The following LOC400499 variants were observed in gnomAD, a reference collection of about 807,000 sequenced individuals.
the LOC400499 span, among the ~76,000 whole-genome samples, chr16:11,422,837 G>A: frequency 6.6e-6 from 1 of 152,322 alleles, no homozygotes; most frequent in African/African-American, 2.4e-5. Context: ...GCCACGGTCC[G>A]CTTGTCTCAC....
chr16:11,492,701 C>T, the LOC400499 span, among the ~76,000 whole-genome samples: 5 of 151,606 alleles, frequency 3.3e-5, no homozygotes, highest in African/African-American at 9.7e-5. Context: ...AGGAGAATGG[C>T]GTGAACCCAG....
chr16:11,442,748 A>G, the LOC400499 span, among the ~76,000 whole-genome samples: 3 of 152,202 alleles, frequency 2.0e-5, no homozygotes, highest in African/African-American at 7.2e-5. Flanking sequence ...AAGCAGACCA[A>G]ACAAAACCCA....
At chr16:11,447,998 C>T in the LOC400499 span, 5 of 1,535,992 alleles carry the variant, frequency 3.3e-6, no homozygotes, top group African/African-American at 1.4e-5. Flanking sequence ...TCCAGCTCTC[C>T]TTCCAACTGC....
the LOC400499 span, chr16:11,385,268 G>A: frequency 8.1e-7 from 1 of 1,232,180 alleles, no homozygotes; most frequent in Non-Finnish European, 1.0e-6. Flanking sequence ...ACAGGGCTGT[G>A]AGCCCCGAGC....
At chr16:11,516,935 C>T in the LOC400499 span, among the ~76,000 whole-genome samples, 1 of 152,196 alleles carries the variant, frequency 6.6e-6, no homozygotes. Flanking sequence ...CGTAAGCCAC[C>T]GCACTCCAGC....
the LOC400499 span, among the ~76,000 whole-genome samples, chr16:11,391,166 C>A: frequency 1.3e-5 from 2 of 152,208 alleles, no homozygotes; most frequent in African/African-American, 2.4e-5. Context: ...CAGAGGGATG[C>A]CCACCCTGGC....
the LOC400499 span, among the ~76,000 whole-genome samples, chr16:11,496,802 G>T: frequency 6.6e-6 from 1 of 152,282 alleles, no homozygotes; most frequent in East Asian, 1.9e-4. Context: ...GTGTGTATGT[G>T]CATGTCCTGC....
chr16:11,392,729 G>T, the LOC400499 span: 15 of 968,996 alleles, frequency 1.5e-5, no homozygotes, highest in Non-Finnish European at 1.7e-5. Context: ...AGGCTTCAGG[G>T]GGTTTCCTGA....
At chr16:11,440,467 T>C in the LOC400499 span, among the ~76,000 whole-genome samples, 3 of 152,204 alleles carry the variant, frequency 2.0e-5, no homozygotes, top group Non-Finnish European at 4.4e-5. Flanking sequence ...GCCTGGATCC[T>C]GAGAGACTGC....
the LOC400499 span, among the ~76,000 whole-genome samples, chr16:11,427,334 G>A: frequency 9.1e-6 from 1 of 110,104 alleles, no homozygotes; most frequent in South Asian, 3.1e-4. Flanking sequence ...GGCAACAAGA[G>A]CGAAACTCCA....
the LOC400499 span, among the ~76,000 whole-genome samples, chr16:11,464,811 C>T: frequency 6.6e-6 from 1 of 152,078 alleles, no homozygotes; most frequent in Non-Finnish European, 1.5e-5. Flanking sequence ...TAGGGACCAG[C>T]AGGAAGATCC....
chr16:11,379,242 C>T, the LOC400499 span, among the ~76,000 whole-genome samples: 13 of 152,186 alleles, frequency 8.5e-5, no homozygotes, highest in Admixed American at 7.2e-4. Flanking sequence ...AGTGAGATTC[C>T]ATCTCAAAAA....
the LOC400499 span, chr16:11,430,992 G>A: frequency 2.5e-6 from 1 of 399,046 alleles, no homozygotes; most frequent in Non-Finnish European, 4.4e-6. Context: ...CAGTTCCAAA[G>A]AAAGTGCTTG....
chr16:11,390,460 G>A, the LOC400499 span: 242 of 1,242,520 alleles, frequency 1.9e-4, 2 homozygotes, highest in East Asian at 5.9e-3. Context: ...TGTGGCCAGG[G>A]GCCCTGCAAC....
the LOC400499 span, chr16:11,435,959 C>T: frequency 2.5e-6 from 1 of 398,300 alleles, no homozygotes; most frequent in Non-Finnish European, 4.4e-6. Flanking sequence ...CTCCATGAAG[C>T]CCTCCTGAGC....
chr16:11,493,013 G>A, the LOC400499 span, among the ~76,000 whole-genome samples: 1 of 152,130 alleles, frequency 6.6e-6, no homozygotes, highest in Non-Finnish European at 1.5e-5. Flanking sequence ...AAAGGGCCTG[G>A]GGCAAGAGAG....
At chr16:11,526,386 C>T in the LOC400499 span, among the ~76,000 whole-genome samples, 1 of 152,132 alleles carries the variant, frequency 6.6e-6, no homozygotes, top group African/African-American at 2.4e-5. Flanking sequence ...CCCGTCTCCA[C>T]AAAAAATATT....
chr16:11,436,657 G>A, the LOC400499 span, among the ~76,000 whole-genome samples: 1 of 151,520 alleles, frequency 6.6e-6, no homozygotes, highest in African/African-American at 2.4e-5. Flanking sequence ...GCACAATCTC[G>A]GCTCACTGCA....
At chr16:11,384,564 C>A in the LOC400499 span, among the ~76,000 whole-genome samples, 1 of 152,190 alleles carries the variant, frequency 6.6e-6, no homozygotes, top group Non-Finnish European at 1.5e-5. Context: ...GTCCCCTCCC[C>A]ATGTCCTCAG....
Sources: gnomAD v4.1 joint callset for allele counts (sites outside exome capture counted in the v4.1 genomes callset) on GRCh38, gnomAD v4.1.1 for gene constraint, MANE v1.5 for transcripts.